CFAP52: variants seen among roughly 807,000 people sequenced by gnomAD.
The protein encoded by CFAP52 is cilia- and flagella-associated protein 52.
A neutral mutation model predicts 70.5 loss-of-function variants in CFAP52; 57 were observed. The ratio of observed to expected loss-of-function variants is 0.81; its 90% confidence interval spans 0.65 to 1.01. The LOEUF is 1.01. CFAP52 is among the 50% of genes least tolerant of loss of function. The pLI, the probability that CFAP52 is intolerant of heterozygous loss-of-function variation, is 0.00. For missense variants in CFAP52, 785 were observed against 788.5 expected (o/e 1.00, Z 0.05); for synonymous variants, 267 against 292.5 (o/e 0.91, Z 0.89).
chr17:9,590,061 T>G (rs1054101332), intron 3 of CFAP52: 2 of 183,500 alleles, frequency 1.1e-5, no homozygotes, highest in Admixed American at 1.1e-4. Flanking sequence ...CGTCAGCTCA[T>G]GGATATGTTC....
chr17:9,622,968 A>C (rs1290118596), intron 8 of CFAP52, among the ~76,000 whole-genome samples: 1 of 152,038 alleles, frequency 6.6e-6, no homozygotes, highest in Non-Finnish European at 1.5e-5. Flanking sequence ...GGAAGCTTTT[A>C]ATGTAGTTAG....
chr17:9,601,903 A>G (rs9902732), intron 6 of CFAP52, among the ~76,000 whole-genome samples: 141,237 of 152,228 alleles, frequency 0.93, 66,445 homozygotes, highest in East Asian at 1. Flanking sequence ...ACTTTTCCAC[A>G]TAGCAGATAT....
intron 1 of CFAP52, among the ~76,000 whole-genome samples, chr17:9,584,644 G>A (rs1316029206): frequency 6.6e-6 from 1 of 151,680 alleles, no homozygotes; most frequent in East Asian, 1.9e-4. Flanking sequence ...TTTTTGAGAT[G>A]GAATTTTGCT....
chr17:9,602,449 T>C (rs887857892), intron 6 of CFAP52, among the ~76,000 whole-genome samples: 6 of 152,198 alleles, frequency 3.9e-5, no homozygotes, highest in African/African-American at 1.4e-4. Flanking sequence ...GCAAAGGACA[T>C]GAACTCATTC....
Position 9,580,318 on chromosome 17 carries a change from T to TAAAAA in CFAP52, c.70+3566_70+3570dup. Among the ~76,000 whole-genome samples the TAAAAA allele has an allele frequency of 1.5e-5, 2 of 134,756 alleles. 1 individual carries two copies. 88.4% of individuals were successfully genotyped at this position (134,756 alleles called of 152,430 possible). On this transcript the variant is annotated intron_variant, in intron 1 of 13. Coordinates refer to ENST00000352665, the MANE Select transcript of CFAP52 (RefSeq NM_145054.5). ...AAATATTTACTCTCTGGACCTTTCT[T>TAAAAA]AAAAAAAAAAAAAAAAAGCCAGACC... is the stretch of plus-strand genomic sequence containing the variant.
intron 9 of CFAP52, among the ~76,000 whole-genome samples, chr17:9,632,356 A>C (rs1439263952): frequency 6.6e-6 from 1 of 151,990 alleles, no homozygotes; most frequent in African/African-American, 2.4e-5. Context: ...GGCCTCCCAA[A>C]GTGCAAAGTG....
chr17:9,639,514 G>A (rs1451265912), intron 12 of CFAP52, among the ~76,000 whole-genome samples: 3 of 152,014 alleles, frequency 2.0e-5, no homozygotes, highest in Non-Finnish European at 4.4e-5. Context: ...TTGGGGGAAT[G>A]TTCACCCTTG....
chr17:9,613,043 G>A (rs1909772834), intron 8 of CFAP52, among the ~76,000 whole-genome samples: 1 of 152,124 alleles, frequency 6.6e-6, no homozygotes, highest in Admixed American at 6.6e-5. Context: ...AGTAGGTGAA[G>A]TGTATTAAGT....
At chr17:9,586,087 C>T in intron 2 of CFAP52, 115 bp downstream of exon 2, 2 of 1,097,708 alleles carry the variant, frequency 1.8e-6, no homozygotes, top group Non-Finnish European at 2.6e-6. Flanking sequence ...CTTCCTTCTT[C>T]TTCTTTTTGA....
intron 7 of CFAP52, among the ~76,000 whole-genome samples, chr17:9,610,810 A>G (rs1909687635): frequency 6.6e-6 from 1 of 152,160 alleles, no homozygotes; most frequent in African/African-American, 2.4e-5. Flanking sequence ...AAGTGCTAGG[A>G]TTACAGGTGT....
At chr17:9,624,082 T>C (rs1344641018) in intron 8 of CFAP52, among the ~76,000 whole-genome samples, 1 of 152,198 alleles carries the variant, frequency 6.6e-6, no homozygotes. Flanking sequence ...TTATAATATG[T>C]CATTTTTCTG....
rs1411012073 is a variant in CFAP52, at chr17:9,585,868, G to T, written c.166G>T (p.Glu56Ter). The T allele has an allele frequency of 6.2e-7, 1 of 1,613,842 alleles. No individual in the cohort carries two copies. The highest frequency in any genetic ancestry group is 8.5e-7 in the Non-Finnish European group (1 of 1,180,004). The change falls in exon 2 of 14, where the codon GAG becomes TAG. Residue 56 changes from glutamate to a stop codon, truncating the protein, a stop_gained. Coordinates refer to ENST00000352665, the MANE Select transcript of CFAP52 (RefSeq NM_145054.5). LOFTEE classifies it high-confidence loss of function. ...TVLIQAINTK[E>*]QNFLQGHGNN... Reference sequence around the variant, plus strand: ...CCTCATTCAGGCAATAAATACTAAAGAGCAGAACTTCCTACAGGGTCATGG... The same window carrying T: ...CCTCATTCAGGCAATAAATACTAAATAGCAGAACTTCCTACAGGGTCATGG...
intron 6 of CFAP52, 58 bp from the exon 7 acceptor site, chr17:9,608,061 C>T: frequency 1.4e-6 from 2 of 1,447,714 alleles, no homozygotes; most frequent in East Asian, 2.3e-5. Flanking sequence ...TGAGTACATT[C>T]TTTAGTGGTG....
chr17:9,638,914 G>A, intron 12 of CFAP52: 1 of 583,322 alleles, frequency 1.7e-6, no homozygotes, highest in Non-Finnish European at 3.1e-6. Flanking sequence ...TGGTACCACT[G>A]ACCTCATAGA....
chr17:9,605,320 A>C (rs1909439674), intron 6 of CFAP52, among the ~76,000 whole-genome samples: 1 of 152,214 alleles, frequency 6.6e-6, no homozygotes, highest in Non-Finnish European at 1.5e-5. Context: ...AAGGAAACTG[A>C]GATGCACATT....
chr17:9,616,416 T>TG (rs1187623210), intron 8 of CFAP52, among the ~76,000 whole-genome samples: 1 of 125,206 alleles, frequency 8.0e-6, no homozygotes, highest in Non-Finnish European at 1.7e-5. Context: ...GCAACGAGGC[T>TG]GGGGGAGGGG....
At chr17:9,589,438 T>A (rs896286801) in intron 3 of CFAP52, among the ~76,000 whole-genome samples, 12 of 152,074 alleles carry the variant, frequency 7.9e-5, no homozygotes, top group South Asian at 2.1e-4. Flanking sequence ...CTGTTTCTGA[T>A]AATAAATGTA....
At chr17:9,599,664 G>A (rs1489242039) in intron 5 of CFAP52, among the ~76,000 whole-genome samples, 1 of 152,084 alleles carries the variant, frequency 6.6e-6, no homozygotes, top group South Asian at 2.1e-4. Flanking sequence ...TTCATGGGGT[G>A]CCAGAGGAAC....
chr17:9,631,012 A>AAGAG (rs1910466888), intron 9 of CFAP52, among the ~76,000 whole-genome samples: 1 of 53,276 alleles, frequency 1.9e-5, no homozygotes, highest in African/African-American at 1.2e-4. Context: ...GAAAGAAAGA[A>AAGAG]AGAAAGAAAG....
Sources: allele counts gnomAD v4.1 joint callset (sites outside exome capture counted in the v4.1 genomes callset), GRCh38; gene constraint gnomAD v4.1.1; transcripts MANE v1.5; gene names NCBI Gene and HGNC (gene_info 2026-07-23, HGNC 2026-07-21).